CDH13: variants seen among roughly 807,000 people sequenced by gnomAD.
CDH13 encodes the protein cadherin 13.
Under a neutral mutation model 63.8 loss-of-function variants are expected in CDH13, and 24 were observed. The ratio of observed to expected loss-of-function variants is 0.38; its 90% CI spans 0.27 to 0.53. The LOEUF is 0.53. Among genes scored for constraint, CDH13 ranks in the 20% least tolerant of loss-of-function variants. CDH13 has a pLI of 0.85. For missense variants in CDH13, 1,049 were observed against 903.1 expected (o/e 1.16, Z -2.07); for synonymous variants, 503 against 355.3 (o/e 1.42, Z -4.67).
chr16:83,295,838 C>T (rs1248573049), intron 5 of CDH13, among the ~76,000 whole-genome samples: 6 of 152,118 alleles, frequency 3.9e-5, no homozygotes, highest in Admixed American at 6.6e-5. Flanking sequence ...AAGAAAATAA[C>T]ATCAATATGT....
chr16:83,215,292 T>C (rs1409374270), intron 4 of CDH13, among the ~76,000 whole-genome samples: 1 of 151,856 alleles, frequency 6.6e-6, no homozygotes, highest in Non-Finnish European at 1.5e-5. Context: ...TTGGCCAGGC[T>C]GGTCTTGAAT....
At chr16:83,315,102 T>A (rs2090079084) in intron 5 of CDH13, among the ~76,000 whole-genome samples, 1 of 152,212 alleles carries the variant, frequency 6.6e-6, no homozygotes, top group Non-Finnish European at 1.5e-5. Context: ...AGTTACAGAA[T>A]GCAGAAGAAC....
rs370100777 is a variant in CDH13, at chr16:83,212,073, T to G, written c.484-5272T>G. On this transcript the variant is annotated intron_variant, in intron 4 of 13. Coordinates refer to ENST00000567109, the MANE Select transcript of CDH13 (RefSeq NM_001257.5). ...GTTTGCTTTGGCCAGAGGAGTGCAC[T>G]GGATTTCTTATATTTCTTGACATTA... 2.0e-5 allele frequency among the ~76,000 whole-genome samples: 3 copies of G among 152,116 alleles called. No homozygotes were observed. The East Asian group carries it at 5.8e-4, about 29-fold the overall frequency.
intron 4 of CDH13, among the ~76,000 whole-genome samples, chr16:83,187,531 T>G (rs1391878140): frequency 6.6e-6 from 1 of 152,048 alleles, no homozygotes; most frequent in African/African-American, 2.4e-5. Context: ...CCTCAGGGAC[T>G]TTAGGATGTA....
At chr16:83,481,359 T>G (rs1356199463) in intron 6 of CDH13, among the ~76,000 whole-genome samples, 1 of 152,196 alleles carries the variant, frequency 6.6e-6, no homozygotes, top group Non-Finnish European at 1.5e-5. Flanking sequence ...AAGAACAGCA[T>G]AATTTTGTCA....
intron 3 of CDH13, among the ~76,000 whole-genome samples, chr16:83,065,039 C>G (rs553113582): frequency 6.6e-6 from 1 of 152,092 alleles, no homozygotes; most frequent in Non-Finnish European, 1.5e-5. Flanking sequence ...CAGGTAATCA[C>G]CATCCTACTG....
chr16:83,758,691 G>C (rs1443634568), intron 11 of CDH13, among the ~76,000 whole-genome samples: 2 of 152,110 alleles, frequency 1.3e-5, no homozygotes, highest in Non-Finnish European at 2.9e-5. Context: ...AGGTCATCAG[G>C]TATAAGATCA....
chr16:82,681,073 G>A (rs567507309), intron 1 of CDH13, among the ~76,000 whole-genome samples: 23 of 152,192 alleles, frequency 1.5e-4, no homozygotes, highest in Admixed American at 1.4e-3. Context: ...TGGCAAAGGG[G>A]CTTGCCCAGC....
chr16:82,968,874 G>T (rs796416453), intron 2 of CDH13, among the ~76,000 whole-genome samples: 1 of 152,136 alleles, frequency 6.6e-6, no homozygotes, highest in Non-Finnish European at 1.5e-5. Context: ...AATCCCAGCA[G>T]TTTGGGAGGC....
At chr16:83,235,926 G>C (rs192060183) in intron 5 of CDH13, among the ~76,000 whole-genome samples, 1 of 152,236 alleles carries the variant, frequency 6.6e-6, no homozygotes, top group East Asian at 1.9e-4. Flanking sequence ...TTTTCAAATG[G>C]ATATTGTGCT....
intron 6 of CDH13, among the ~76,000 whole-genome samples, chr16:83,458,114 A>G (rs1263707886): frequency 2.6e-5 from 4 of 152,156 alleles, no homozygotes; most frequent in African/African-American, 9.7e-5. Context: ...AGAGCTTCCA[A>G]GAAACCCCAG....
chr16:83,346,779 A>AT (rs569347240), intron 6 of CDH13, among the ~76,000 whole-genome samples: 1 of 152,108 alleles, frequency 6.6e-6, no homozygotes, highest in Non-Finnish European at 1.5e-5. Context: ...TATTTTGTGT[A>AT]TTTTTTATGT....
chr16:82,764,031 C>T (rs1044810380), intron 1 of CDH13, among the ~76,000 whole-genome samples: 3 of 152,182 alleles, frequency 2.0e-5, no homozygotes, highest in Non-Finnish European at 4.4e-5. Context: ...ATCTCACATT[C>T]CAAACTGCTT....
At chr16:83,524,299 TG>T (rs1279392538) in intron 7 of CDH13, among the ~76,000 whole-genome samples, 1 of 152,126 alleles carries the variant, frequency 6.6e-6, no homozygotes, top group African/African-American at 2.4e-5. Context: ...ACTTATTTAG[TG>T]TGTTTATGCA....
intron 6 of CDH13, among the ~76,000 whole-genome samples, chr16:83,403,825 A>C (rs2092004260): frequency 6.6e-6 from 1 of 152,178 alleles, no homozygotes; most frequent in Admixed American, 6.5e-5. Context: ...CAAAAAGTTC[A>C]GTATTCTATC....
Position 82,666,583 on chromosome 16 carries a change from G to C in CDH13, c.45+39446G>C, listed in dbSNP as rs145451717. Among the ~76,000 whole-genome samples the C allele has an allele frequency of 2.7e-3, 414 of 152,310 alleles. 4 individuals carry two copies. Among genetic ancestry groups the C allele is most frequent in the Non-Finnish European group, 4.3e-3 (294 of 68,032 alleles). ...ACTTGCATTGGAATCTGGGATGTCT[G>C]ACATAACAACAACTACTACTATTTT... On this transcript the variant is annotated intron_variant, in intron 1 of 13. Coordinates refer to ENST00000567109, the MANE Select transcript of CDH13 (RefSeq NM_001257.5).
At chr16:83,403,625 A>AAT (rs1567648854) in intron 6 of CDH13, among the ~76,000 whole-genome samples, 14 of 151,250 alleles carry the variant, frequency 9.3e-5, no homozygotes, top group African/African-American at 3.2e-4. Flanking sequence ...TCCGTCTCAA[A>AAT]AATAATAATA....
At chr16:83,008,925 A>G (rs971635321) in intron 2 of CDH13, among the ~76,000 whole-genome samples, 6 of 152,182 alleles carry the variant, frequency 3.9e-5, no homozygotes, top group Non-Finnish European at 7.3e-5. Flanking sequence ...GGGGAAGCAA[A>G]CACGTCCATC....
At chr16:83,578,224 G>C (rs986080450) in intron 7 of CDH13, among the ~76,000 whole-genome samples, 1 of 152,166 alleles carries the variant, frequency 6.6e-6, no homozygotes, top group Non-Finnish European at 1.5e-5. Flanking sequence ...CCTGGAGCAG[G>C]AAGAGTGTCT....
Sources: gnomAD v4.1 joint callset for allele counts (sites outside exome capture counted in the v4.1 genomes callset) on GRCh38, gnomAD v4.1.1 for gene constraint, MANE v1.5 for transcripts, NCBI Gene and HGNC (gene_info 2026-07-23, HGNC 2026-07-21) for gene names.